VEGFC: variants seen among roughly 807,000 people sequenced by gnomAD.
VEGFC encodes FLT4 ligand DHM.
In VEGFC, 12 loss-of-function variants were observed where a neutral mutation model predicts 46.1. That is an observed-to-expected ratio of 0.26 (90% CI 0.17 to 0.42). VEGFC has a LOEUF of 0.42. Among genes scored for constraint, VEGFC ranks in the 10% least tolerant of loss-of-function variants. The pLI is 1.00. For synonymous variants in VEGFC, 232 were observed against 195.5 expected (o/e 1.19, Z -1.56); for missense variants, 488 against 529.4 (o/e 0.92, Z 0.77).
chr4:176,700,233 A>G (rs1272228081), intron 4 of VEGFC, among the ~76,000 whole-genome samples: 1 of 152,166 alleles, frequency 6.6e-6, no homozygotes, highest in African/African-American at 2.4e-5. Flanking sequence ...CCTGGCCAAT[A>G]TGGCGAAACC....
At chr4:176,687,649 G>A in intron 5 of VEGFC, 129 bp from the exon 6 acceptor site, 1 of 1,068,380 alleles carries the variant, frequency 9.4e-7, no homozygotes, top group Non-Finnish European at 1.3e-6. Context: ...ACATGAGTAT[G>A]TTCCTTTATA....
intron 4 of VEGFC, among the ~76,000 whole-genome samples, chr4:176,699,240 A>C (rs559802005): frequency 6.6e-6 from 1 of 152,280 alleles, no homozygotes; most frequent in South Asian, 2.1e-4. Context: ...GGGAAGTGTG[A>C]GCCACCAGCA....
chr4:176,731,779 T>G (rs1357517175), intron 1 of VEGFC, among the ~76,000 whole-genome samples: 1 of 151,938 alleles, frequency 6.6e-6, no homozygotes, highest in East Asian at 1.9e-4. Flanking sequence ...TTCACCGAAC[T>G]GTTAAGAAAG....
Position 176,729,546 on chromosome 4 carries a change from T to C in VEGFC, c.348A>G (p.Thr116=). The change falls in exon 2 of 7, where the codon ACA becomes ACG. Residue 116 remains threonine (T), a synonymous_variant. Transcript: ENST00000618562. ...TIKFAAAHYN[T]EILKSIDNEW... ...TCCCATACTTACTTTTCAAGATCTC[T>C]GTATTATAATGTGCTGCAGCAAATT... The C allele has an allele frequency of 6.2e-7, 1 of 1,612,782 alleles. No individual in the cohort carries two copies. Among genetic ancestry groups the C allele is most frequent in the Admixed American group, 1.7e-5 (1 of 59,934 alleles).
chr4:176,712,408 C>T (rs906012833), intron 3 of VEGFC, among the ~76,000 whole-genome samples: 1 of 152,098 alleles, frequency 6.6e-6, no homozygotes, highest in Non-Finnish European at 1.5e-5. Context: ...TTCTTGTGTT[C>T]TCTTCCTTCT....
At position 176,729,455 on chromosome 4, in the gene VEGFC, GA is replaced by G. The variant is rs1734924317; in HGVS notation, c.361+77del. On this transcript the variant is annotated intron_variant, in intron 2 of 6. Transcript: ENST00000618562. Reference sequence around the variant, plus strand: ...AGGTGTATTCGGTGATACAAACACTGAAATTAAAGAACCAGGCTGGCAACTT... The same window carrying G: ...AGGTGTATTCGGTGATACAAACACTGAATTAAAGAACCAGGCTGGCAACTT... The G allele has an allele frequency of 4.2e-6, 5 of 1,200,798 alleles. No individual in the cohort carries two copies. The African/African-American group carries it at 6.4e-5, about 15-fold the overall frequency. 74.4% of individuals were successfully genotyped at this position (1,200,798 alleles called of 1,614,324 possible).
chr4:176,757,560 T>C (rs1735454069), intron 1 of VEGFC, among the ~76,000 whole-genome samples: 1 of 151,308 alleles, frequency 6.6e-6, no homozygotes, highest in Non-Finnish European at 1.5e-5. Flanking sequence ...AAAATAATTC[T>C]AAATATGTAT....
chr4:176,761,861 A>G (rs1735535780), intron 1 of VEGFC, among the ~76,000 whole-genome samples: 1 of 152,224 alleles, frequency 6.6e-6, no homozygotes, highest in African/African-American at 2.4e-5. Context: ...AACAGCAGAG[A>G]GTGCTAGAAT....
intron 4 of VEGFC, among the ~76,000 whole-genome samples, chr4:176,692,415 CAAAA>C (rs754971358): frequency 2.4e-5 from 3 of 123,032 alleles, no homozygotes; most frequent in Non-Finnish European, 4.8e-5. Flanking sequence ...AACAAACAAA[CAAAA>C]AAAAAACAAA....
intron 1 of VEGFC, among the ~76,000 whole-genome samples, chr4:176,752,258 G>A (rs985452704): frequency 2.6e-5 from 4 of 151,896 alleles, no homozygotes; most frequent in East Asian, 3.9e-4. Flanking sequence ...AGGCTGCCCC[G>A]GATCCTGAAA....
intron 1 of VEGFC, among the ~76,000 whole-genome samples, chr4:176,781,889 A>G (rs1053077681): frequency 6.6e-6 from 1 of 152,252 alleles, no homozygotes; most frequent in African/African-American, 2.4e-5. Flanking sequence ...CCTGAAGCAG[A>G]TTAAGTAGTC....
intron 1 of VEGFC, among the ~76,000 whole-genome samples, chr4:176,789,475 A>G (rs1736053714): frequency 6.6e-6 from 1 of 152,262 alleles, no homozygotes; most frequent in Non-Finnish European, 1.5e-5. Context: ...TCATATAAGT[A>G]GCATCACTCA....
intron 1 of VEGFC, among the ~76,000 whole-genome samples, chr4:176,737,211 A>C (rs1735070582): frequency 6.7e-6 from 1 of 148,688 alleles, no homozygotes; most frequent in Admixed American, 6.7e-5. Flanking sequence ...TTATATTATA[A>C]AGTTTGTTGA....
chr4:176,790,805 T>G (rs1736077063), intron 1 of VEGFC, among the ~76,000 whole-genome samples: 1 of 152,250 alleles, frequency 6.6e-6, no homozygotes, highest in Non-Finnish European at 1.5e-5. Flanking sequence ...AGCCGATTAT[T>G]ACATTTCTGC....
At chr4:176,698,807 T>C (rs539742324) in intron 4 of VEGFC, among the ~76,000 whole-genome samples, 2 of 152,308 alleles carry the variant, frequency 1.3e-5, no homozygotes, top group South Asian at 4.2e-4. Context: ...AGATCAGTAA[T>C]ATGCATCTTT....
At chr4:176,706,984 T>C (rs755592519) in intron 4 of VEGFC, among the ~76,000 whole-genome samples, 1 of 152,168 alleles carries the variant, frequency 6.6e-6, no homozygotes, top group Admixed American at 6.5e-5. Flanking sequence ...AATCAAATCA[T>C]AGAGAATGTA....
intron 3 of VEGFC, among the ~76,000 whole-genome samples, chr4:176,719,323 T>G (rs1489574776): frequency 1.3e-5 from 2 of 152,184 alleles, no homozygotes; most frequent in Non-Finnish European, 2.9e-5. Context: ...TTTTTTTACC[T>G]TAAGAAAACA....
Position 176,726,665 on chromosome 4 carries a change from G to A in VEGFC, c.552+1113C>T, listed in dbSNP as rs1734878680. 3.9e-5 allele frequency among the ~76,000 whole-genome samples: 6 copies of A among 152,168 alleles called. 1 individual carries two copies. In the South Asian group the frequency reaches 1.2e-3, roughly 32 times the overall value. ...TAAAAATTTTGGAAATATTCAGCTA[G>A]CTGAAAAAATGTAGTTCATGGAATT... is the stretch of plus-strand genomic sequence containing the variant. On this transcript the variant is annotated intron_variant, in intron 3 of 6. Transcript: ENST00000618562.
chr4:176,721,472 A>G (rs1734784711), intron 3 of VEGFC, among the ~76,000 whole-genome samples: 1 of 152,212 alleles, frequency 6.6e-6, no homozygotes, highest in Non-Finnish European at 1.5e-5. Context: ...ATTGGAGGAA[A>G]GGAAGAATGG....
Sources: allele counts gnomAD v4.1 joint callset (sites outside exome capture counted in the v4.1 genomes callset), GRCh38; gene constraint gnomAD v4.1.1; transcripts MANE v1.5; gene names NCBI Gene and HGNC (gene_info 2026-07-23, HGNC 2026-07-21).